DNAH5: variants seen among roughly 807,000 people sequenced by gnomAD.
DNAH5 encodes axonemal beta dynein heavy chain 5.
A neutral mutation model predicts 518.2 loss-of-function variants in DNAH5; 372 were observed. The ratio of observed to expected loss-of-function variants is 0.72; its 90% CI spans 0.66 to 0.78. DNAH5 has a LOEUF of 0.78. Among genes scored for constraint, DNAH5 ranks in the 30% least tolerant of loss-of-function variants. DNAH5 has a pLI of 0.00. For missense variants in DNAH5, 5,523 were observed against 5,687.0 expected (o/e 0.97, Z 0.93); for synonymous variants, 2,039 against 2,025.9 (o/e 1.01, Z -0.17).
At chr5:13,889,148 C>T (rs1315271382) in intron 17 of DNAH5, among the ~76,000 whole-genome samples, 3 of 152,084 alleles carry the variant, frequency 2.0e-5, no homozygotes, top group Non-Finnish European at 4.4e-5. Flanking sequence ...GATTAAAAGG[C>T]TAGTTTCTTT....
rs962398942 is a variant in DNAH5, at chr5:13,691,012, C to G, written c.*972G>C. 1.3e-5 allele frequency: 2 copies of G among 152,174 alleles called. No individual in the cohort carries two copies. Among genetic ancestry groups the G allele is most frequent in the African/African-American group, 4.8e-5 (2 of 41,448 alleles). 9.4% of individuals were successfully genotyped at this position (152,174 alleles called of 1,614,324 possible). ...AATATTTTGTAAACTAAATCTTTCA[C>G]TTAACAGTCTGGGTCTACCATTTCA... is the stretch of plus-strand genomic sequence containing the variant. On this transcript the variant is annotated 3_prime_UTR_variant, in exon 79 of 79. Transcript: ENST00000265104.
chr5:14,010,880 C>A (rs1382389258), intron 1 of DNAH5, among the ~76,000 whole-genome samples: 2 of 129,328 alleles, frequency 1.5e-5, no homozygotes, highest in Non-Finnish European at 3.3e-5. Flanking sequence ...CATAATAGAT[C>A]CCTACAGTTA....
intron 1 of DNAH5, among the ~76,000 whole-genome samples, chr5:13,980,820 CT>C (rs1372667394): frequency 3.3e-5 from 5 of 152,236 alleles, no homozygotes; most frequent in African/African-American, 9.6e-5. Flanking sequence ...CACTTTTCCT[CT>C]TTGCTCACTC....
At chr5:13,695,983 C>G (rs1741321109) in intron 78 of DNAH5, among the ~76,000 whole-genome samples, 1 of 152,142 alleles carries the variant, frequency 6.6e-6, no homozygotes, top group African/African-American at 2.4e-5. Context: ...GACAAGCTGA[C>G]AGTGGATTAA....
intron 32 of DNAH5, among the ~76,000 whole-genome samples, chr5:13,842,484 AG>A (rs34000633): frequency 5.8e-5 from 3 of 51,562 alleles, no homozygotes; most frequent in African/African-American, 2.1e-4. Flanking sequence ...AGAAAGAAAG[AG>A]AAAGAAAAGA....
intron 65 of DNAH5, among the ~76,000 whole-genome samples, chr5:13,750,385 T>C (rs1750044243): frequency 6.6e-6 from 1 of 152,208 alleles, no homozygotes; most frequent in African/African-American, 2.4e-5. Flanking sequence ...CTAAAGAAAA[T>C]GCTCACTCGA....
At chr5:13,729,415 T>C in intron 69 of DNAH5, 24 bp downstream of exon 69, 8 of 1,613,716 alleles carry the variant, frequency 5.0e-6, no homozygotes, top group Non-Finnish European at 6.8e-6. Flanking sequence ...GACATCAGCT[T>C]AAGTTGATTC....
chr5:13,832,988 C>A lies in DNAH5; in HGVS notation c.5883-2213G>T, dbSNP rs138946773. Among the ~76,000 whole-genome samples the A allele has an allele frequency of 3.4e-4, 52 of 152,284 alleles. No individual in the cohort carries two copies. In the East Asian group the frequency reaches 9.8e-3, roughly 29 times the overall value. Reference sequence around the variant, plus strand: ...TTCAACTCCTATTGGTTCTAAACTGCTGAAAAGTTTCCTAAGAAACAATGG... The same window carrying A: ...TTCAACTCCTATTGGTTCTAAACTGATGAAAAGTTTCCTAAGAAACAATGG... On this transcript the variant is annotated intron_variant, in intron 35 of 78. Coordinates refer to ENST00000265104, the MANE Select transcript of DNAH5 (RefSeq NM_001369.3).
rs1164898687 is a variant in DNAH5, at chr5:13,707,249, C to T, written c.13338+874G>A. On this transcript the variant is annotated intron_variant, in intron 76 of 78. Transcript: ENST00000265104. The surrounding 1 kb of genome is among the most constrained non-coding windows in gnomAD (Gnocchi z 4.0). ...CAACTCCAGGGGAAGACCACCTTCC[C>T]ACTCCATCCCCCTTCTGGCTCCCCA... 6.6e-6 allele frequency among the ~76,000 whole-genome samples: 1 copy of T among 152,200 alleles called. No homozygotes were observed. The highest frequency in any genetic ancestry group is 1.9e-4 in the East Asian group (1 of 5,202).
chr5:13,768,233 C>T (rs1270420015), intron 58 of DNAH5, among the ~76,000 whole-genome samples: 1 of 152,088 alleles, frequency 6.6e-6, no homozygotes. Context: ...CAGTTTCCCC[C>T]ATGCTGTTCT....
At position 13,719,038 on chromosome 5, in the gene DNAH5, T is replaced by G; in HGVS notation, c.12343A>C (p.Ile4115Leu). 1.2e-6 allele frequency: 2 copies of G among 1,614,176 alleles called. No individual in the cohort carries two copies. The highest frequency in any genetic ancestry group is 8.5e-7 in the Non-Finnish European group (1 of 1,180,008). The change falls in exon 72 of 79, where the codon ATA (isoleucine) becomes CTA (leucine). Residue 4115 changes from isoleucine (I) to leucine (L), a missense_variant. Physicochemically the swap from Ile to Leu is conservative, Grantham distance 5. Transcript: ENST00000265104. ...GLDFMDELMDIIIETELVHDA... is the reference protein window; with the variant it reads ...GLDFMDELMDLIIETELVHDA... ...TGTACAAGCTCAGTTTCTATGATTATGTCCATCAGCTCATCCATGAAATCA... is the reference window on the plus strand; with the variant it reads ...TGTACAAGCTCAGTTTCTATGATTAGGTCCATCAGCTCATCCATGAAATCA...
chr5:13,939,406 A>G (rs545261082), intron 1 of DNAH5, among the ~76,000 whole-genome samples: 1 of 152,288 alleles, frequency 6.6e-6, no homozygotes, highest in African/African-American at 2.4e-5. Flanking sequence ...TTTACAGCAA[A>G]TACAGCTAAC....
At chr5:13,754,765 C>A (rs1423762781) in intron 61 of DNAH5, among the ~76,000 whole-genome samples, 1 of 151,880 alleles carries the variant, frequency 6.6e-6, no homozygotes, top group Non-Finnish European at 1.5e-5. Flanking sequence ...CTCAAGCTCC[C>A]AACCTCAGGT....
At chr5:13,728,479 CTACT>C (rs1370737327) in intron 69 of DNAH5, among the ~76,000 whole-genome samples, 2 of 152,168 alleles carry the variant, frequency 1.3e-5, no homozygotes, top group Non-Finnish European at 2.9e-5. Flanking sequence ...TCTTGAAAGA[CTACT>C]TAATATTGAG....
At chr5:14,006,476 G>A (rs908117439) in intron 1 of DNAH5, among the ~76,000 whole-genome samples, 4 of 152,064 alleles carry the variant, frequency 2.6e-5, no homozygotes, top group African/African-American at 4.8e-5. Flanking sequence ...GCTTGCAGAT[G>A]GCTGCCTTCT....
At chr5:13,718,754 C>T in intron 72 of DNAH5, 128 bp downstream of exon 72, 5 of 784,936 alleles carry the variant, frequency 6.4e-6, no homozygotes, top group Non-Finnish European at 1.1e-5. Context: ...GGACCATCAC[C>T]TCCCCATCAG....
At chr5:13,712,223 G>A (rs1743579932) in intron 75 of DNAH5, among the ~76,000 whole-genome samples, 2 of 152,136 alleles carry the variant, frequency 1.3e-5, no homozygotes, top group Admixed American at 1.3e-4. Flanking sequence ...GTGGGGAAAG[G>A]ACACCCTTTT....
In DNAH5 at chr5:13,737,590, C is replaced by T. The variant is rs144807291; in HGVS notation, c.11212-95G>A. The T allele has an allele frequency of 1.2e-3, 1,684 of 1,349,748 alleles. 15 individuals carry two copies. The African/African-American group carries it at 0.021, about 17-fold the overall frequency. The allele number at this position is 1,349,748 out of a possible 1,614,324, so 83.6% of individuals were successfully genotyped here. On this transcript the variant is annotated intron_variant, in intron 65 of 78. Transcript: ENST00000265104. ...ACCTACATGGCTGCTTTGAAGCTCC[C>T]ATACTGTATTTATCATAATCAACTG...
At chr5:13,863,269 G>A (rs952980437) in intron 28 of DNAH5, among the ~76,000 whole-genome samples, 38 of 152,174 alleles carry the variant, frequency 2.5e-4, no homozygotes, top group African/African-American at 9.2e-4. Flanking sequence ...CCCTCTGGGT[G>A]AGCTCATTTA....
Sources: gnomAD v4.1 joint callset for allele counts (sites outside exome capture counted in the v4.1 genomes callset) on GRCh38, gnomAD v4.1.1 for gene constraint, Gnocchi (gnomAD v3.1) non-coding constraint, MANE v1.5 for transcripts, NCBI Gene and HGNC (gene_info 2026-07-23, HGNC 2026-07-21) for gene names.